POTEF: variants seen among roughly 807,000 people sequenced by gnomAD.
POTEF encodes the protein ANKRD26-like family C member 1B.
In POTEF, 20 loss-of-function variants were observed where a neutral mutation model predicts 83.2. The ratio of observed to expected loss-of-function variants is 0.24; its 90% CI spans 0.17 to 0.35. The LOEUF (loss-of-function observed/expected upper bound fraction) is 0.35. Among genes scored for constraint, POTEF ranks in the 10% least tolerant of loss-of-function variants. POTEF has a pLI of 1.00. For synonymous variants in POTEF, 196 were observed against 446.4 expected (o/e 0.44, Z 7.07); for missense variants, 550 against 1,203.2 (o/e 0.46, Z 8.03).
In POTEF at chr2:130,103,198, G is replaced by A. The variant is rs1388794567; in HGVS notation, c.1127-1018C>T. On this transcript the variant is annotated intron_variant, in intron 8 of 16. Transcript: ENST00000409914. ...TCACTGCAACCTCTGACACTCCCTGGTTCAAGCGATTCTCCTGTCTCAGTC... is the reference window on the plus strand; with the variant it reads ...TCACTGCAACCTCTGACACTCCCTGATTCAAGCGATTCTCCTGTCTCAGTC... 1.4e-5 allele frequency among the ~76,000 whole-genome samples: 2 copies of A among 147,906 alleles called. 1 individual carries two copies. The highest frequency in any genetic ancestry group is 5.2e-5 in the African/African-American group (2 of 38,770).
chr2:130,109,291 T>C (rs1316062163), intron 7 of POTEF: 2 of 143,982 alleles, frequency 1.4e-5, no homozygotes, highest in Non-Finnish European at 3.0e-5. Flanking sequence ...TTTTAGGATA[T>C]GTGCCGCCGA....
intron 7 of POTEF, among the ~76,000 whole-genome samples, chr2:130,109,019 T>G (rs1267000634): frequency 1.3e-5 from 2 of 151,366 alleles, no homozygotes; most frequent in African/African-American, 4.9e-5. Context: ...ACATACATAC[T>G]AACAATATAT....
chr2:130,104,465 T>C (rs1684458908), intron 8 of POTEF, among the ~76,000 whole-genome samples: 1 of 149,098 alleles, frequency 6.7e-6, no homozygotes, highest in African/African-American at 2.5e-5. Flanking sequence ...TTTTGTTATT[T>C]ATATATTGCT....
At chr2:130,123,345 A>G (rs1411674893) in intron 2 of POTEF, among the ~76,000 whole-genome samples, 6 of 151,630 alleles carry the variant, frequency 4.0e-5, no homozygotes, top group African/African-American at 1.5e-4. Flanking sequence ...CCAAGAGTTG[A>G]CCAAAGGTGA....
intron 3 of POTEF, among the ~76,000 whole-genome samples, chr2:130,117,067 A>G (rs891471757): frequency 6.6e-6 from 1 of 151,366 alleles, no homozygotes; most frequent in Non-Finnish European, 1.5e-5. Context: ...CAATATTTTC[A>G]AAGAAAACTC....
intron 3 of POTEF, among the ~76,000 whole-genome samples, chr2:130,118,183 AC>A (rs1684890887): frequency 6.6e-6 from 1 of 151,604 alleles, no homozygotes; most frequent in Non-Finnish European, 1.5e-5. Flanking sequence ...TTCATGATCC[AC>A]CTGCCTCAGC....
chr2:130,125,088 TC>T (rs1161601692), intron 2 of POTEF, among the ~76,000 whole-genome samples: 1 of 146,288 alleles, frequency 6.8e-6, no homozygotes, highest in Non-Finnish European at 1.5e-5. Flanking sequence ...GCTATATAAT[TC>T]AACAATTTTC....
At chr2:130,128,891 A>C (rs564188793) in intron 1 of POTEF, among the ~76,000 whole-genome samples, 181 bp downstream of exon 1, 2 of 71,688 alleles carry the variant, frequency 2.8e-5, no homozygotes, top group African/African-American at 6.1e-5. Context: ...CCCCGCCACC[A>C]CGGGCAGTGT....
At chr2:130,127,157 T>TA (rs1357564202) in intron 2 of POTEF, among the ~76,000 whole-genome samples, 3 of 150,816 alleles carry the variant, frequency 2.0e-5, no homozygotes, top group African/African-American at 7.4e-5. Context: ...CCATCTCTAC[T>TA]AAAAATACAA....
At position 130,106,108 on chromosome 2, in the gene POTEF, G is replaced by A. The variant is rs1233053726; in HGVS notation, c.1126+1901C>T. 7.3e-5 allele frequency among the ~76,000 whole-genome samples: 11 copies of A among 150,966 alleles called. 1 individual carries two copies. Among genetic ancestry groups the A allele is most frequent in the Admixed American group, 2.0e-4 (3 of 15,188 alleles). On this transcript the variant is annotated intron_variant, in intron 8 of 16. Coordinates refer to ENST00000409914, the MANE Select transcript of POTEF (RefSeq NM_001099771.2). ...AGAACAAGATGTTTGGAGCTGCTGC[G>A]GATTAGCCAACCATGAAAGGAGACG...
chr2:130,108,191 T>C, intron 7 of POTEF, 112 bp from the exon 8 acceptor site: 6 of 1,457,906 alleles, frequency 4.1e-6, no homozygotes, highest in Non-Finnish European at 5.5e-6. Flanking sequence ...TAACAGAACT[T>C]AATAGTATTA....
intron 8 of POTEF, among the ~76,000 whole-genome samples, chr2:130,104,538 A>T (rs965391120): frequency 4.6e-5 from 7 of 151,226 alleles, no homozygotes; most frequent in Non-Finnish European, 8.8e-5. Flanking sequence ...GCAGGCTGCA[A>T]GCGGGGAAAA....
chr2:130,107,484 T>C (rs1573607429), intron 8 of POTEF, among the ~76,000 whole-genome samples: 1 of 150,984 alleles, frequency 6.6e-6, no homozygotes, highest in Non-Finnish European at 1.5e-5. Context: ...CACAGACTCA[T>C]ACCAGTCCAT....
At chr2:130,121,082 C>T (rs1467548985) in intron 2 of POTEF, among the ~76,000 whole-genome samples, 5 of 151,796 alleles carry the variant, frequency 3.3e-5, no homozygotes, top group Admixed American at 6.6e-5. Context: ...GCGTGCAAGC[C>T]GTTACAAGCC....
At chr2:130,117,235 C>T (rs936140020) in intron 3 of POTEF, among the ~76,000 whole-genome samples, 1 of 151,660 alleles carries the variant, frequency 6.6e-6, no homozygotes, top group Non-Finnish European at 1.5e-5. Flanking sequence ...AATGTATATA[C>T]AATAAAATCT....
In POTEF at chr2:130,100,789, A is replaced by T. The variant is rs1258244466; in HGVS notation, c.1198-69T>A. ...TGTGATGTGTCCTCTTTTGGAGCGC[A>T]TGTTTTAAAAAAATTTTATTCTTAA... is the stretch of plus-strand genomic sequence containing the variant. On this transcript the variant is annotated intron_variant, in intron 9 of 16. Transcript: ENST00000409914. 4 of 1,562,136 alleles carry T rather than the reference A, an allele frequency of 2.6e-6. No homozygotes were observed. In the African/African-American group the frequency reaches 4.3e-5, roughly 17 times the overall value.
At chr2:130,111,066 A>G in intron 6 of POTEF, among the ~76,000 whole-genome samples, 1 of 140,922 alleles carries the variant, frequency 7.1e-6, no homozygotes, top group South Asian at 2.2e-4. Flanking sequence ...AGCTCTCTGC[A>G]TGCTCAAAGC....
chr2:130,126,922 T>A (rs185924531), intron 2 of POTEF, among the ~76,000 whole-genome samples: 8 of 149,832 alleles, frequency 5.3e-5, no homozygotes, highest in East Asian at 4.0e-4. Context: ...CAGACTAGAA[T>A]AAGCAAAAAG....
chr2:130,078,455 CACAA>C (rs1683874452), intron 15 of POTEF, among the ~76,000 whole-genome samples: 1 of 79,322 alleles, frequency 1.3e-5, no homozygotes, highest in African/African-American at 4.9e-5. Context: ...TAACAGATGA[CACAA>C]ACAAATGAAA....
Sources: gnomAD v4.1 joint callset for allele counts (sites outside exome capture counted in the v4.1 genomes callset) on GRCh38, gnomAD v4.1.1 for gene constraint, MANE v1.5 for transcripts, NCBI Gene and HGNC (gene_info 2026-07-23, HGNC 2026-07-21) for gene names.